ZFP64: variants seen among roughly 807,000 people sequenced by gnomAD.
ZFP64 encodes zinc finger protein 64.
Under a neutral mutation model 51.6 loss-of-function variants are expected in ZFP64, and 14 were observed. That is an observed-to-expected ratio of 0.27 (90% CI 0.18 to 0.42). The LOEUF is 0.42. Ranked by LOEUF, ZFP64 falls within the 10% of genes least tolerant of loss-of-function variation. The pLI, the probability that ZFP64 is intolerant of heterozygous loss-of-function variation, is 1.00. For synonymous variants in ZFP64, 375 were observed against 361.4 expected (o/e 1.04, Z -0.43); for missense variants, 754 against 906.8 (o/e 0.83, Z 2.16).
At chr20:52,100,390 C>T (rs546619462) in intron 5 of ZFP64, among the ~76,000 whole-genome samples, 20 of 152,186 alleles carry the variant, frequency 1.3e-4, no homozygotes, top group South Asian at 1.2e-3. Flanking sequence ...GGATTACAGA[C>T]GTGCGCCACC....
chr20:52,159,356 G>T (rs1219183664), intron 5 of ZFP64, among the ~76,000 whole-genome samples: 1 of 152,118 alleles, frequency 6.6e-6, no homozygotes, highest in East Asian at 1.9e-4. Context: ...AAAATGATTG[G>T]AATGCCTAAC....
chr20:52,191,593 T>G lies in ZFP64; in HGVS notation c.44A>C (p.Gln15Pro), dbSNP rs762374368. The G allele has an allele frequency of 1.3e-6, 2 of 1,588,304 alleles. No homozygotes were observed. Among genetic ancestry groups the G allele is most frequent in the South Asian group, 2.3e-5 (2 of 87,680 alleles). Residue 15 changes from glutamine to proline, a missense_variant and splice_region_variant, in exon 1 of 6, where the codon CAA becomes CCA. Physicochemically the swap from Gln to Pro is moderately conservative, Grantham distance 76 (BLOSUM62 -1). Transcript: ENST00000216923. The surrounding 1 kb of genome is among the most constrained non-coding windows in gnomAD (Gnocchi z 4.3). ...SEGESFAGSVQIPGGTTVLVE... is the reference protein window; with the variant it reads ...SEGESFAGSVPIPGGTTVLVE... Reference sequence around the variant, plus strand: ...ACTGCTCCCGGAAAAGCACTTACTTTGCACCGAGCCCGCGAAGCTCTCGCC... The same window carrying G: ...ACTGCTCCCGGAAAAGCACTTACTTGGCACCGAGCCCGCGAAGCTCTCGCC...
At chr20:52,190,985 A>G (rs932606320) in intron 1 of ZFP64, among the ~76,000 whole-genome samples, 2 of 152,120 alleles carry the variant, frequency 1.3e-5, no homozygotes, top group Non-Finnish European at 2.9e-5. Flanking sequence ...ACACTTTGGG[A>G]AACAATGCAC....
At chr20:52,117,022 A>T (rs1256484956) in intron 5 of ZFP64, among the ~76,000 whole-genome samples, 1 of 152,142 alleles carries the variant, frequency 6.6e-6, no homozygotes, top group Non-Finnish European at 1.5e-5. Flanking sequence ...CAGTGAGCCG[A>T]GATCGTGCCA....
chr20:52,119,762 A>G (rs1979086293), intron 5 of ZFP64, among the ~76,000 whole-genome samples: 2 of 151,296 alleles, frequency 1.3e-5, no homozygotes, highest in Non-Finnish European at 2.9e-5. Context: ...AACAAAAAAC[A>G]ACCCCTCCCC....
At chr20:52,124,900 G>A (rs983436046) in intron 5 of ZFP64, among the ~76,000 whole-genome samples, 2 of 151,926 alleles carry the variant, frequency 1.3e-5, no homozygotes, top group Admixed American at 6.6e-5. Flanking sequence ...CACCATGCCC[G>A]GCCTAAACAT....
intron 8 of ZFP64, chr20:52,088,203 A>G: frequency 5.7e-6 from 5 of 875,540 alleles, no homozygotes; most frequent in Non-Finnish European, 8.5e-6. Context: ...CCCAGCTGTC[A>G]GTCATATTTT....
At chr20:52,172,904 G>A (rs949513955) in intron 2 of ZFP64, among the ~76,000 whole-genome samples, 2 of 152,186 alleles carry the variant, frequency 1.3e-5, no homozygotes, top group African/African-American at 4.8e-5. Context: ...GCATGTTCAG[G>A]TGTGCATCTG....
In ZFP64 at chr20:52,160,543, G is replaced by A. The variant is rs1253920438; in HGVS notation, c.512-169C>T. ...CAAAGAGCTAACATCTTGGGAGAGG[G>A]GAAGTTTCTTCCATGTTCCTTATTG... On this transcript the variant is annotated intron_variant, in intron 4 of 5. Coordinates refer to ENST00000216923, the MANE Select transcript of ZFP64 (RefSeq NM_018197.3). This position sits in a 1 kb window ranked among gnomAD's most constrained non-coding sequence, Gnocchi z 4.2. 6.6e-6 allele frequency among the ~76,000 whole-genome samples: 1 copy of A among 151,858 alleles called. No homozygotes were observed. Among genetic ancestry groups the A allele is most frequent in the Non-Finnish European group, 1.5e-5 (1 of 67,984 alleles).
rs1250097518 is a variant in ZFP64, at chr20:52,085,077, G to T, written c.1418C>A (p.Ala473Asp). ...GTCAGCCCGGTCCCGGCCCTGGAAG[G>T]CACAGTGCAGACATTTGAAGGTGTG... The change falls in exon 9 of 9, where the codon GCC becomes GAC. Residue 473 changes from alanine to aspartate, a missense_variant. Physicochemically the swap from Ala to Asp is moderately radical, Grantham distance 126 (BLOSUM62 -2). Coordinates refer to the ZFP64 transcript ENST00000361387. The surrounding 1 kb of genome is among the most constrained non-coding windows in gnomAD (Gnocchi z 4.3). The T allele has an allele frequency of 2.5e-6, 4 of 1,614,256 alleles. No individual in the cohort carries two copies. The East Asian group carries it at 8.9e-5, about 36-fold the overall frequency.
At position 52,143,674 on chromosome 20, in the gene ZFP64, T is replaced by C. The variant is rs560077334; in HGVS notation, c.763+16449A>G. Among the ~76,000 whole-genome samples, 24 of 135,780 alleles carry C rather than the reference T, an allele frequency of 1.8e-4. 3 individuals carry two copies. Among genetic ancestry groups the C allele is most frequent in the Non-Finnish European group, 3.4e-4 (21 of 61,090 alleles). 89.1% of individuals were successfully genotyped at this position (135,780 alleles called of 152,430 possible). A position where few individuals can be genotyped will look rare whatever the true frequency, so the allele number is the denominator to read the frequency against. On this transcript the variant is annotated intron_variant, in intron 5 of 8. Coordinates refer to the ZFP64 transcript ENST00000361387. ...TCTCAGCCTCTAGAGTAGTTGGGGC[T>C]ACAGGTGCACACCACCACACCCGGC...
At chr20:52,130,691 C>T (rs1448231921) in intron 5 of ZFP64, among the ~76,000 whole-genome samples, 2 of 152,156 alleles carry the variant, frequency 1.3e-5, no homozygotes, top group Non-Finnish European at 2.9e-5. Flanking sequence ...TGACACCAGG[C>T]AGGCTCTTGC....
At chr20:52,105,135 G>T in intron 5 of ZFP64, 1 of 1,419,814 alleles carries the variant, frequency 7.0e-7, no homozygotes, top group East Asian at 2.8e-5. Context: ...TACTCACCCG[G>T]CTCCCCCGCC....
chr20:52,105,163 C>A (rs1216634498), intron 5 of ZFP64: 1 of 1,451,030 alleles, frequency 6.9e-7, no homozygotes, highest in African/African-American at 1.5e-5. Flanking sequence ...GGGCCACCTC[C>A]GCACACTCCC....
At chr20:52,110,490 C>A in intron 5 of ZFP64, 1 of 697,918 alleles carries the variant, frequency 1.4e-6, no homozygotes, top group South Asian at 1.7e-5. Flanking sequence ...AGTCCTCTGC[C>A]TAGTCTAAGA....
chr20:52,133,163 T>C (rs1979802405), intron 5 of ZFP64, among the ~76,000 whole-genome samples: 1 of 152,184 alleles, frequency 6.6e-6, no homozygotes, highest in Non-Finnish European at 1.5e-5. Context: ...CATCCCTTCA[T>C]GATAAAAACC....
chr20:52,142,407 C>CACACACACACAT (rs1980315713), intron 5 of ZFP64, among the ~76,000 whole-genome samples: 1 of 151,396 alleles, frequency 6.6e-6, no homozygotes, highest in Non-Finnish European at 1.5e-5. Flanking sequence ...CACACACACA[C>CACACACACACAT]ACACACACAC....
At chr20:52,175,607 G>C (rs1332543805) in intron 2 of ZFP64, among the ~76,000 whole-genome samples, 2 of 152,208 alleles carry the variant, frequency 1.3e-5, no homozygotes, top group South Asian at 4.1e-4. Context: ...CACTGTGGGA[G>C]CCCGAGGCGG....
At chr20:52,107,378 C>G (rs1978333772) in intron 5 of ZFP64, among the ~76,000 whole-genome samples, 1 of 152,124 alleles carries the variant, frequency 6.6e-6, no homozygotes, top group African/African-American at 2.4e-5. Context: ...GCTTGCACCT[C>G]TGTTTATTAT....
Sources: gnomAD v4.1 joint callset for allele counts (sites outside exome capture counted in the v4.1 genomes callset) on GRCh38, gnomAD v4.1.1 for gene constraint, Gnocchi (gnomAD v3.1) non-coding constraint, MANE v1.5 for transcripts, NCBI Gene and HGNC (gene_info 2026-07-23, HGNC 2026-07-21) for gene names.